ASCC3: variants seen among roughly 807,000 people sequenced by gnomAD.
ASCC3 encodes the protein ASC-1 complex subunit P200.
In ASCC3, 158 loss-of-function variants were observed where a neutral mutation model predicts 256.3. The observed-to-expected ratio is 0.62, with a 90% confidence interval of 0.54 to 0.70. The LOEUF is 0.70. ASCC3 is among the 30% of genes least tolerant of loss of function. The pLI is 0.00. For synonymous variants in ASCC3, 948 were observed against 883.4 expected, an observed-to-expected ratio of 1.07 and a Z score of -1.30; for missense variants, 2,259 against 2,626.0, an observed-to-expected ratio of 0.86 and a Z score of 3.05.
intron 13 of ASCC3, among the ~76,000 whole-genome samples, chr6:100,685,496 G>A (rs1355211095): frequency 6.6e-6 from 1 of 152,152 alleles, no homozygotes; most frequent in Non-Finnish European, 1.5e-5. Flanking sequence ...AAACTCTGAG[G>A]GTGGGGCCCA....
intron 4 of ASCC3, among the ~76,000 whole-genome samples, chr6:100,828,162 T>G (rs965469768): frequency 5.3e-5 from 8 of 151,554 alleles, no homozygotes; most frequent in Admixed American, 3.9e-4. Context: ...TTAATAATTA[T>G]TTCATAATAG....
chr6:100,773,603 A>G (rs1024652588), intron 8 of ASCC3, among the ~76,000 whole-genome samples: 1 of 152,158 alleles, frequency 6.6e-6, no homozygotes, highest in Non-Finnish European at 1.5e-5. Context: ...TTTATGTATT[A>G]TTATTATGAC....
At chr6:100,629,386 C>T (rs753728548) in intron 26 of ASCC3, among the ~76,000 whole-genome samples, 4 of 152,086 alleles carry the variant, frequency 2.6e-5, no homozygotes, top group Non-Finnish European at 4.4e-5. Context: ...AAATGAAGGT[C>T]ATATAAATTC....
At chr6:100,637,140 G>A (rs1207840819) in intron 25 of ASCC3, among the ~76,000 whole-genome samples, 1 of 152,152 alleles carries the variant, frequency 6.6e-6, no homozygotes. Context: ...CTTCAAAGGA[G>A]GAGCTAACTT....
intron 36 of ASCC3, among the ~76,000 whole-genome samples, chr6:100,566,322 C>A (rs550276490): frequency 6.6e-6 from 1 of 152,230 alleles, no homozygotes; most frequent in South Asian, 2.1e-4. Flanking sequence ...GATTAAATAG[C>A]TTGCCAGTTA....
intron 8 of ASCC3, among the ~76,000 whole-genome samples, chr6:100,776,251 AT>A (rs1782181803): frequency 6.6e-6 from 1 of 152,094 alleles, no homozygotes; most frequent in Admixed American, 6.5e-5. Context: ...GCAAATCAGC[AT>A]TTCCTTTTAA....
chr6:100,630,658 C>T, intron 26 of ASCC3, among the ~76,000 whole-genome samples: 1 of 151,652 alleles, frequency 6.6e-6, no homozygotes, highest in East Asian at 1.9e-4. Flanking sequence ...AATAATACTG[C>T]AATGAATAAC....
intron 3 of ASCC3, among the ~76,000 whole-genome samples, chr6:100,854,138 A>G (rs1365021164): frequency 6.6e-6 from 1 of 151,964 alleles, no homozygotes. Context: ...CTGATGCTAC[A>G]AGAACAAGCC....
chr6:100,654,877 A>C (rs1190427996), intron 17 of ASCC3, among the ~76,000 whole-genome samples: 1 of 152,200 alleles, frequency 6.6e-6, no homozygotes, highest in East Asian at 1.9e-4. Flanking sequence ...AATAAAAGAA[A>C]TAAAAATTTA....
At chr6:100,796,208 T>C (rs550471113) in intron 8 of ASCC3, among the ~76,000 whole-genome samples, 1 of 152,272 alleles carries the variant, frequency 6.6e-6, no homozygotes, top group Admixed American at 6.5e-5. Flanking sequence ...TGCTGGTTAG[T>C]ATGTGGAGAA....
intron 10 of ASCC3, among the ~76,000 whole-genome samples, chr6:100,743,689 A>G (rs1475921657): frequency 6.6e-6 from 1 of 152,216 alleles, no homozygotes; most frequent in Non-Finnish European, 1.5e-5. Flanking sequence ...TCAATATACT[A>G]TATCTGATAT....
At chr6:100,612,648 A>G (rs959048829) in intron 30 of ASCC3, among the ~76,000 whole-genome samples, 1 of 152,028 alleles carries the variant, frequency 6.6e-6, no homozygotes, top group African/African-American at 2.4e-5. Flanking sequence ...ATAATCACCA[A>G]ATGTTAATTT....
intron 10 of ASCC3, among the ~76,000 whole-genome samples, chr6:100,743,808 T>C (rs949016099): frequency 6.6e-6 from 1 of 152,054 alleles, no homozygotes; most frequent in African/African-American, 2.4e-5. Context: ...CAATACAAGA[T>C]GAAAAGATAA....
At chr6:100,611,899 TAGA>T (rs919151679) in intron 30 of ASCC3, among the ~76,000 whole-genome samples, 3 of 152,006 alleles carry the variant, frequency 2.0e-5, no homozygotes, top group East Asian at 1.9e-4. Context: ...GAAACACTGA[TAGA>T]AGAAGTTTTA....
chr6:100,518,986 T>G (rs1050380166), intron 37 of ASCC3, among the ~76,000 whole-genome samples: 3 of 152,144 alleles, frequency 2.0e-5, no homozygotes, highest in Non-Finnish European at 4.4e-5. Context: ...ATAATTAAAA[T>G]GATACTTTAA....
chr6:100,563,504 G>A (rs928642562), intron 36 of ASCC3, among the ~76,000 whole-genome samples: 20 of 152,248 alleles, frequency 1.3e-4, no homozygotes, highest in African/African-American at 4.6e-4. Context: ...TGTTTCACAT[G>A]GATGATAAGT....
chr6:100,849,539 A>G (rs924590828), intron 3 of ASCC3, among the ~76,000 whole-genome samples: 2 of 152,168 alleles, frequency 1.3e-5, no homozygotes, highest in African/African-American at 4.8e-5. Flanking sequence ...AGCTGAAGAT[A>G]AAGTTAGTCA....
intron 4 of ASCC3, among the ~76,000 whole-genome samples, chr6:100,820,935 C>T (rs1464021346): frequency 1.3e-5 from 2 of 152,164 alleles, no homozygotes; most frequent in African/African-American, 2.4e-5. Context: ...ACTTAACACC[C>T]ACTAGAAAGG....
At chr6:100,853,190 T>C (rs557386610) in intron 3 of ASCC3, among the ~76,000 whole-genome samples, 6 of 152,120 alleles carry the variant, frequency 3.9e-5, no homozygotes, top group Non-Finnish European at 7.4e-5. Flanking sequence ...TAAAATAATT[T>C]TTTAAAATCA....
Sources: allele counts gnomAD v4.1 joint callset (sites outside exome capture counted in the v4.1 genomes callset), GRCh38; gene constraint gnomAD v4.1.1; transcripts MANE v1.5; gene names NCBI Gene and HGNC (gene_info 2026-07-23, HGNC 2026-07-21).